RORA: variants seen among roughly 807,000 people sequenced by gnomAD.
RORA encodes the protein RAR related orphan receptor A, also known as nuclear receptor ROR-alpha.
RORA carries 7 observed loss-of-function variants against 69.5 expected under a neutral mutation model. That is an observed-to-expected ratio of 0.10 (90% CI 0.06 to 0.19). The LOEUF (loss-of-function observed/expected upper bound fraction) is 0.19, where lower values mean the gene tolerates loss of function less well. Among genes scored for constraint, RORA ranks in the 10% least tolerant of loss-of-function variants. The pLI is 1.00. For missense variants in RORA, 457 were observed against 663.0 expected (o/e 0.69, Z 3.41); for synonymous variants, 261 against 240.8 (o/e 1.08, Z -0.78).
intron 2 of RORA, among the ~76,000 whole-genome samples, chr15:60,670,978 T>C (rs2070456200): frequency 6.6e-6 from 1 of 151,550 alleles, no homozygotes; most frequent in Admixed American, 6.6e-5. Context: ...GAAGCTGATA[T>C]AAGTGTAAAT....
Position 60,627,395 on chromosome 15 carries a change from C to A in RORA, c.196+51262G>T, listed in dbSNP as rs377593172. The A allele has an allele frequency of 3.7e-6, 6 of 1,613,944 alleles. No homozygotes were observed. The African/African-American group carries it at 6.7e-5, about 18-fold the overall frequency. Reference sequence around the variant, plus strand: ...TTCATGCCTTTTCCTGGTTACCCATCTGCCTCCAGAAACTGGGGCTGTGCT... The same window carrying A: ...TTCATGCCTTTTCCTGGTTACCCATATGCCTCCAGAAACTGGGGCTGTGCT... On this transcript the variant is annotated intron_variant, in intron 2 of 10. Transcript: ENST00000335670.
At chr15:60,913,277 C>A (rs756111780) in intron 1 of RORA, among the ~76,000 whole-genome samples, 3 of 152,102 alleles carry the variant, frequency 2.0e-5, no homozygotes, top group Non-Finnish European at 4.4e-5. Context: ...ATGTCCATAG[C>A]CTCTATGCTC....
intron 1 of RORA, among the ~76,000 whole-genome samples, chr15:60,719,103 G>GTTAT (rs1555448342): frequency 3.3e-5 from 5 of 151,774 alleles, no homozygotes; most frequent in South Asian, 2.1e-4. Flanking sequence ...AAACTGTTTG[G>GTTAT]GTCTTTACTT....
chr15:61,190,886 T>C (rs556990998), intron 1 of RORA, among the ~76,000 whole-genome samples: 2 of 152,216 alleles, frequency 1.3e-5, no homozygotes, highest in Non-Finnish European at 2.9e-5. Flanking sequence ...ATGCTTTTGC[T>C]TATATATATG....
At chr15:61,067,346 C>T (rs182277276) in intron 1 of RORA, among the ~76,000 whole-genome samples, 34 of 151,986 alleles carry the variant, frequency 2.2e-4, no homozygotes, top group African/African-American at 5.8e-4. Context: ...CCTTGTGATC[C>T]GCCCGCCTCG....
At chr15:61,030,555 G>A (rs527727271) in intron 1 of RORA, among the ~76,000 whole-genome samples, 5 of 152,334 alleles carry the variant, frequency 3.3e-5, no homozygotes, top group African/African-American at 1.2e-4. Flanking sequence ...TGAGAAGGAA[G>A]AGTTGAAGCA....
chr15:61,080,559 C>T (rs1234727568), intron 1 of RORA, among the ~76,000 whole-genome samples: 1 of 152,142 alleles, frequency 6.6e-6, no homozygotes, highest in South Asian at 2.1e-4. Context: ...GGCTCAAATG[C>T]GGCATCAAAT....
intron 1 of RORA, among the ~76,000 whole-genome samples, chr15:60,871,220 T>C (rs545251626): frequency 6.6e-6 from 1 of 152,318 alleles, no homozygotes; most frequent in South Asian, 2.1e-4. Context: ...TACATTCCTG[T>C]TGCAGATCAA....
At chr15:60,958,798 G>A (rs1893340026) in intron 1 of RORA, among the ~76,000 whole-genome samples, 1 of 152,158 alleles carries the variant, frequency 6.6e-6, no homozygotes, top group South Asian at 2.1e-4. Flanking sequence ...GTGTCCTGTG[G>A]GAAGATGATT....
intron 5 of RORA, among the ~76,000 whole-genome samples, chr15:60,507,494 T>G (rs548702012): frequency 6.6e-6 from 1 of 151,468 alleles, no homozygotes; most frequent in Non-Finnish European, 1.5e-5. Flanking sequence ...ACAGCATGAA[T>G]AAATAACATA....
intron 1 of RORA, among the ~76,000 whole-genome samples, chr15:61,177,700 C>T (rs1011265564): frequency 2.6e-5 from 4 of 152,044 alleles, no homozygotes; most frequent in Non-Finnish European, 4.4e-5. Flanking sequence ...CCTATAATCC[C>T]GTATAACCCG....
At chr15:60,557,004 T>C in intron 2 of RORA, 2 of 1,227,102 alleles carry the variant, frequency 1.6e-6, no homozygotes, top group Non-Finnish European at 2.4e-6. Context: ...GCATAGCACA[T>C]CCCCAAATGC....
In RORA at chr15:60,515,240, A is replaced by G. The variant is rs114209815; in HGVS notation, c.283-483T>C. ...TGGTAATCTTCACTAGCCCACTTCA[A>G]CACACGGCCCTTTAGGCGTTTCTCA... is the stretch of plus-strand genomic sequence containing the variant. On this transcript the variant is annotated intron_variant, in intron 3 of 10. Coordinates refer to ENST00000335670, the MANE Select transcript of RORA (RefSeq NM_134261.3). Among the ~76,000 whole-genome samples the G allele has an allele frequency of 6.4e-3, 980 of 152,324 alleles. 8 individuals carry two copies. Among genetic ancestry groups the G allele is most frequent in the African/African-American group, 0.023 (953 of 41,564 alleles).
chr15:60,819,201 T>C (rs1212599871), intron 1 of RORA, among the ~76,000 whole-genome samples: 1 of 152,256 alleles, frequency 6.6e-6, no homozygotes, highest in Non-Finnish European at 1.5e-5. Flanking sequence ...AAGAAATTCC[T>C]TCACCACCAT....
chr15:61,043,369 A>C (rs4775352), intron 1 of RORA, among the ~76,000 whole-genome samples: 29,361 of 152,102 alleles, frequency 0.19, 3,666 homozygotes, highest in East Asian at 0.51. Flanking sequence ...ACTCCAGTTC[A>C]GTCCTTTTGC....
chr15:61,143,271 T>G (rs2079317495), intron 1 of RORA, among the ~76,000 whole-genome samples: 2 of 152,026 alleles, frequency 1.3e-5, no homozygotes, highest in East Asian at 3.9e-4. Context: ...AGTATAGAAT[T>G]CACAAGAAAA....
intron 1 of RORA, among the ~76,000 whole-genome samples, chr15:61,135,653 T>G (rs2079231981): frequency 6.6e-6 from 1 of 150,884 alleles, no homozygotes; most frequent in African/African-American, 2.4e-5. Context: ...CAGTACATCC[T>G]TATCCCCCTG....
intron 2 of RORA, among the ~76,000 whole-genome samples, chr15:60,543,933 G>A (rs938730821): frequency 2.0e-5 from 3 of 152,152 alleles, no homozygotes; most frequent in South Asian, 4.1e-4. Flanking sequence ...ACCAGGGCAC[G>A]ATAGAAAGAA....
At chr15:60,763,451 A>C (rs1437202575) in intron 1 of RORA, among the ~76,000 whole-genome samples, 1 of 152,136 alleles carries the variant, frequency 6.6e-6, no homozygotes, top group African/African-American at 2.4e-5. Context: ...TCTTTTAGAA[A>C]GTTTCCTTTT....
Sources: gnomAD v4.1 joint callset for allele counts (sites outside exome capture counted in the v4.1 genomes callset) on GRCh38, gnomAD v4.1.1 for gene constraint, MANE v1.5 for transcripts, NCBI Gene and HGNC (gene_info 2026-07-23, HGNC 2026-07-21) for gene names.